ARMH1: variants seen among roughly 807,000 people sequenced by gnomAD.
ARMH1 encodes armadillo like helical domain containing 1, also known as armadillo-like helical domain containing protein 1.
Under a neutral mutation model 50.2 loss-of-function variants are expected in ARMH1, and 34 were observed. The ratio of observed to expected loss-of-function variants is 0.68; its 90% CI spans 0.51 to 0.90. ARMH1 has a LOEUF of 0.90. ARMH1 is among the 40% of genes least tolerant of loss of function. The pLI is 0.00. For missense variants in ARMH1, 538 were observed against 553.9 expected (o/e 0.97, Z 0.29); for synonymous variants, 221 against 224.2 (o/e 0.99, Z 0.13).
intron 1 of ARMH1, 98 bp downstream of exon 1, chr1:44,674,971 A>ATGGATGGG (rs1645085222): frequency 6.6e-6 from 1 of 152,342 alleles, no homozygotes; most frequent in Admixed American, 6.5e-5. Context: ...GGATGGATGG[A>ATGGATGGG]TGGATGGGTG....
At chr1:44,712,099 C>T (rs867750869) in intron 6 of ARMH1, among the ~76,000 whole-genome samples, 1 of 152,154 alleles carries the variant, frequency 6.6e-6, no homozygotes, top group Admixed American at 6.5e-5. Context: ...TAGATAAAAA[C>T]CCAAGGACAC....
chr1:44,709,504 C>T (rs367853478), intron 6 of ARMH1, among the ~76,000 whole-genome samples: 1 of 152,112 alleles, frequency 6.6e-6, no homozygotes. Flanking sequence ...AACCCCATCT[C>T]TACTAAAAAT....
chr1:44,720,816 A>G (rs1344677958), intron 6 of ARMH1, among the ~76,000 whole-genome samples: 1 of 152,040 alleles, frequency 6.6e-6, no homozygotes, highest in Non-Finnish European at 1.5e-5. Context: ...CAGGTGGATC[A>G]CTTGAGGTCA....
At position 44,724,737 on chromosome 1, in the gene ARMH1, ACGC is replaced by A. The variant is rs1557576140; in HGVS notation, c.1051-20_1051-18del. The A allele has an allele frequency of 6.6e-7, 1 of 1,516,564 alleles. No homozygotes were observed. Among genetic ancestry groups the A allele is most frequent in the Admixed American group, 2.1e-5 (1 of 46,772 alleles). The allele number at this position is 1,516,564 out of a possible 1,614,324, so 93.9% of individuals were successfully genotyped here. On this transcript the variant is annotated intron_variant, in intron 9 of 11. Transcript: ENST00000535358. The surrounding 1 kb of genome is among the most constrained non-coding windows in gnomAD (Gnocchi z 6.4). ...CCGCAGCCCCGTCGCCCCCGCAGTC[ACGC>A]CGCCTCGCCCGCGCGGCGCAGTGCT...
rs150142551 is a variant in ARMH1 at position 44,699,861 on chromosome 1, G to A, written c.443-1062G>A. Among the ~76,000 whole-genome samples, 32 of 132,204 alleles carry A rather than the reference G, an allele frequency of 2.4e-4. No individual in the cohort carries two copies. The East Asian group carries it at 6.5e-3, about 27-fold the overall frequency. The allele number at this position is 132,204 out of a possible 152,430, so 86.7% of individuals were successfully genotyped here. A position where few individuals can be genotyped will look rare whatever the true frequency, so the allele number is the denominator to read the frequency against. ...TTTTTTTTTTTTGAGTTGGAGTCTC[G>A]TTCTGTAGCCCAGGCTGGAGTGCAG... On this transcript the variant is annotated intron_variant, in intron 4 of 11. Transcript: ENST00000535358.
At position 44,697,110 on chromosome 1, in the gene ARMH1, C is replaced by G. The variant is rs1414884179; in HGVS notation, c.215C>G (p.Thr72Ser). Residue 72 changes from threonine (T) to serine (S), a missense_variant, in exon 3 of 12, where the codon ACT (threonine) becomes AGT (serine). Thr to Ser is a moderately conservative substitution (Grantham distance 58, BLOSUM62 1). Transcript: ENST00000535358. Reference sequence around the variant, plus strand: ...TTTAACGTGTCATACAGCTATATGACTGACTCATGTTTAGAAAAGCTTCTC... The same window carrying G: ...TTTAACGTGTCATACAGCTATATGAGTGACTCATGTTTAGAAAAGCTTCTC... ...LTTSLRITYM[T>S]DSCLEKLLRS... is the part of the protein sequence containing the mutation. The G allele has an allele frequency of 6.4e-7, 1 of 1,551,714 alleles. No individual in the cohort carries two copies.
At chr1:44,699,976 C>T (rs1026146057) in intron 4 of ARMH1, among the ~76,000 whole-genome samples, 7 of 151,638 alleles carry the variant, frequency 4.6e-5, no homozygotes, top group Non-Finnish European at 8.8e-5. Context: ...ACTACAGGCG[C>T]GTGCCACCAG....
In ARMH1 at chr1:44,725,284, C is replaced by G; in HGVS notation, c.1211-7C>G. The G allele has an allele frequency of 6.4e-7, 1 of 1,551,840 alleles. No homozygotes were observed. Among genetic ancestry groups the G allele is most frequent in the Non-Finnish European group, 8.7e-7 (1 of 1,147,020 alleles). ...CACAGCCTCACGCCCGCCTTTCCTGCCTGCAGCCCTGTGCCTCCATGGCAG... is the reference window on the plus strand; with the variant it reads ...CACAGCCTCACGCCCGCCTTTCCTGGCTGCAGCCCTGTGCCTCCATGGCAG... On this transcript the variant is annotated splice_region_variant and splice_polypyrimidine_tract_variant and intron_variant, in intron 11 of 11. Coordinates refer to ENST00000535358, the MANE Select transcript of ARMH1 (RefSeq NM_001145636.2).
chr1:44,716,961 C>T (rs1031148797), intron 6 of ARMH1, among the ~76,000 whole-genome samples: 1 of 151,788 alleles, frequency 6.6e-6, no homozygotes, highest in African/African-American at 2.4e-5. Flanking sequence ...AGATATTCTC[C>T]TGCCTCAGCC....
In ARMH1 at chr1:44,682,575, T is replaced by TA. The variant is rs1645346433; in HGVS notation, c.-22-7099dup. On this transcript the variant is annotated intron_variant, in intron 1 of 11. Transcript: ENST00000535358. This position sits in a 1 kb window ranked among gnomAD's most constrained non-coding sequence, Gnocchi z 4.5. ...TGTTTGAAGCTTTATCCTCAGGTAGTAAGGAACCACTGAAGAGTTTGAAGC... is the reference window on the plus strand; with the variant it reads ...TGTTTGAAGCTTTATCCTCAGGTAGTAAAGGAACCACTGAAGAGTTTGAAGC... 6.6e-6 allele frequency among the ~76,000 whole-genome samples: 1 copy of TA among 152,174 alleles called. No individual in the cohort carries two copies. The highest frequency in any genetic ancestry group is 2.1e-4 in the South Asian group (1 of 4,836).
intron 2 of ARMH1, chr1:44,693,157 T>G (rs1299044887): frequency 6.6e-6 from 1 of 152,208 alleles, no homozygotes; most frequent in Non-Finnish European, 1.5e-5. Context: ...CCCTGGACCC[T>G]TATTTCTAAC....
At chr1:44,722,891 C>A in intron 6 of ARMH1, among the ~76,000 whole-genome samples, 1 of 122,594 alleles carries the variant, frequency 8.2e-6, no homozygotes. Context: ...AACCCCATCT[C>A]TACTAAAAAT....
At chr1:44,689,126 C>T (rs181036003) in intron 1 of ARMH1, 115 of 153,548 alleles carry the variant, frequency 7.5e-4, no homozygotes, top group African/African-American at 2.6e-3. Context: ...TGCAGTGGCG[C>T]GATCTCGGCT....
intron 6 of ARMH1, chr1:44,721,653 T>C (rs1055848739): frequency 4.6e-5 from 7 of 152,060 alleles, no homozygotes; most frequent in East Asian, 1.9e-4. Flanking sequence ...TGCTTGAGCA[T>C]GGGAGATGGA....
At chr1:44,705,131 G>A (rs750533980) in intron 6 of ARMH1, among the ~76,000 whole-genome samples, 3 of 147,164 alleles carry the variant, frequency 2.0e-5, no homozygotes, top group Non-Finnish European at 3.0e-5. Flanking sequence ...CACCGCACCC[G>A]GCCTATTTAT....
chr1:44,685,877 C>T (rs1302433250), intron 1 of ARMH1, among the ~76,000 whole-genome samples: 5 of 152,144 alleles, frequency 3.3e-5, no homozygotes, highest in African/African-American at 7.2e-5. Context: ...CTGCCTGCCT[C>T]GGCCTCCCAA....
At chr1:44,722,533 G>A (rs1207952383) in intron 6 of ARMH1, among the ~76,000 whole-genome samples, 1 of 151,374 alleles carries the variant, frequency 6.6e-6, no homozygotes, top group East Asian at 1.9e-4. Context: ...GAGGCCTGAG[G>A]TCAGGAGTTC....
chr1:44,714,590 A>C (rs553538363), intron 6 of ARMH1, among the ~76,000 whole-genome samples: 6 of 152,234 alleles, frequency 3.9e-5, no homozygotes, highest in African/African-American at 1.2e-4. Context: ...CGTCTCAAAA[A>C]AAAAAAAAAA....
At chr1:44,693,567 A>C (rs375379959) in intron 2 of ARMH1, among the ~76,000 whole-genome samples, 12 of 150,870 alleles carry the variant, frequency 8.0e-5, no homozygotes, top group African/African-American at 2.9e-4. Flanking sequence ...TCCCACCTCA[A>C]CCTCCCAAGT....
Sources: allele counts gnomAD v4.1 joint callset (sites outside exome capture counted in the v4.1 genomes callset), GRCh38; gene constraint gnomAD v4.1.1; non-coding constraint Gnocchi (gnomAD v3.1); transcripts MANE v1.5; gene names NCBI Gene and HGNC (gene_info 2026-07-23, HGNC 2026-07-21).